The following PPARGC1A variants were observed in gnomAD, a reference collection of about 807,000 sequenced individuals.
PPARGC1A encodes the protein PPARG coactivator 1 alpha.
A neutral mutation model predicts 88.7 loss-of-function variants in PPARGC1A; 25 were observed. The ratio of observed to expected loss-of-function variants is 0.28; its 90% CI spans 0.21 to 0.39. The LOEUF (loss-of-function observed/expected upper bound fraction) is 0.39. Ranked by LOEUF, PPARGC1A falls within the 10% of genes least tolerant of loss-of-function variation. The probability of loss-of-function intolerance (pLI) is 1.00; values close to 1 mark genes in which losing one functional copy is unlikely to be tolerated. For synonymous variants in PPARGC1A, 363 were observed against 355.6 expected (o/e 1.02, Z -0.24); for missense variants, 880 against 968.7 (o/e 0.91, Z 1.22).
intron 2 of PPARGC1A, among the ~76,000 whole-genome samples, chr4:23,875,214 C>T (rs146168445): frequency 2.6e-5 from 4 of 152,220 alleles, no homozygotes; most frequent in Middle Eastern, 6.8e-3. Flanking sequence ...AATTAAGAAA[C>T]ATCAGTCCAA....
At chr4:24,242,322 G>A in the PPARGC1A span, among the ~76,000 whole-genome samples, 4 of 152,136 alleles carry the variant, frequency 2.6e-5, no homozygotes, top group African/African-American at 4.8e-5. Flanking sequence ...TCGTCCTGAC[G>A]CCCACCCCCA....
At chr4:24,005,789 A>T in the PPARGC1A span, among the ~76,000 whole-genome samples, 6 of 152,078 alleles carry the variant, frequency 3.9e-5, no homozygotes, top group Non-Finnish European at 7.4e-5. Flanking sequence ...CAAAAAAAAA[A>T]GATGGAGCAG....
At chr4:24,425,277 G>T in the PPARGC1A span, among the ~76,000 whole-genome samples, 1 of 152,138 alleles carries the variant, frequency 6.6e-6, no homozygotes, top group South Asian at 2.1e-4. Flanking sequence ...GGACCACAAG[G>T]ACACACATTA....
In PPARGC1A at chr4:23,800,480, A is replaced by G. The variant is rs1013487242; in HGVS notation, c.2293+1250T>C. Among the ~76,000 whole-genome samples, 3 of 151,856 alleles carry G rather than the reference A, an allele frequency of 2.0e-5. No homozygotes were observed. The South Asian group carries it at 6.2e-4, about 31-fold the overall frequency. On this transcript the variant is annotated intron_variant, in intron 12 of 12. Coordinates refer to ENST00000264867, the MANE Select transcript of PPARGC1A (RefSeq NM_013261.5). Reference sequence around the variant, plus strand: ...ATGACTAAATATAATGGTACTATTCACTCAGCAAAATACTGTACAACCATT... The same window carrying G: ...ATGACTAAATATAATGGTACTATTCGCTCAGCAAAATACTGTACAACCATT...
chr4:24,058,111 C>T, the PPARGC1A span, among the ~76,000 whole-genome samples: 21 of 152,164 alleles, frequency 1.4e-4, no homozygotes, highest in Non-Finnish European at 2.1e-4. Context: ...AGCATCTTCA[C>T]GTGGTACCCA....
At chr4:24,225,410 A>G in the PPARGC1A span, among the ~76,000 whole-genome samples, 2 of 152,124 alleles carry the variant, frequency 1.3e-5, no homozygotes, top group African/African-American at 4.8e-5. Flanking sequence ...TCTACTAAAA[A>G]TACAAAAAAT....
At chr4:24,322,411 C>A in the PPARGC1A span, among the ~76,000 whole-genome samples, 1 of 152,234 alleles carries the variant, frequency 6.6e-6, no homozygotes, top group Non-Finnish European at 1.5e-5. Flanking sequence ...CTTGACAACC[C>A]TGATGGTTCA....
chr4:24,420,971 A>G, the PPARGC1A span, among the ~76,000 whole-genome samples: 8 of 152,150 alleles, frequency 5.3e-5, no homozygotes, highest in African/African-American at 1.9e-4. Context: ...TGTTAAAAGC[A>G]TTCCCTCAAG....
At chr4:24,143,328 A>C in the PPARGC1A span, among the ~76,000 whole-genome samples, 1 of 152,126 alleles carries the variant, frequency 6.6e-6, no homozygotes, top group African/African-American at 2.4e-5. Context: ...GGGCAATATA[A>C]ACTTCAAGAA....
At chr4:23,832,427 T>TTTC (rs1218271400) in intron 2 of PPARGC1A, among the ~76,000 whole-genome samples, 4 of 152,076 alleles carry the variant, frequency 2.6e-5, no homozygotes, top group Admixed American at 1.3e-4. Flanking sequence ...AAAACTGCTA[T>TTTC]TTCTTTTGAC....
chr4:24,133,274 A>G, the PPARGC1A span, among the ~76,000 whole-genome samples: 104 of 152,226 alleles, frequency 6.8e-4, no homozygotes, highest in South Asian at 5.0e-3. Flanking sequence ...TAAAGTTCCA[A>G]CACCTGAGAG....
the PPARGC1A span, among the ~76,000 whole-genome samples, chr4:24,470,271 G>GACTGTAC: frequency 1.4e-5 from 1 of 71,970 alleles, no homozygotes; most frequent in Non-Finnish European, 2.9e-5. The surrounding 1 kb of genome is among the most constrained non-coding windows in gnomAD (Gnocchi z 5.8). Context: ...CTCATCGACA[G>GACTGTAC]ACACAGACAC....
At chr4:24,246,698 G>T in the PPARGC1A span, among the ~76,000 whole-genome samples, 6 of 152,192 alleles carry the variant, frequency 3.9e-5, no homozygotes, top group African/African-American at 7.2e-5. Context: ...TTTTCTGTGA[G>T]ATTGTAACAC....
chr4:24,230,847 G>A, the PPARGC1A span, among the ~76,000 whole-genome samples: 1 of 151,756 alleles, frequency 6.6e-6, no homozygotes, highest in South Asian at 2.1e-4. Context: ...AGAAAATGGC[G>A]ACTGGAAGTT....
chr4:24,114,507 T>A, the PPARGC1A span, among the ~76,000 whole-genome samples: 1 of 152,156 alleles, frequency 6.6e-6, no homozygotes, highest in African/African-American at 2.4e-5. Context: ...AAGTGAGTGG[T>A]GGCAGCTCCA....
the PPARGC1A span, among the ~76,000 whole-genome samples, chr4:24,101,601 A>G: frequency 4.6e-5 from 7 of 152,246 alleles, no homozygotes; most frequent in Non-Finnish European, 7.3e-5. Context: ...ATGTAAAATT[A>G]TAAGGTATCC....
chr4:24,325,964 A>T, the PPARGC1A span, among the ~76,000 whole-genome samples: 8 of 152,074 alleles, frequency 5.3e-5, no homozygotes, highest in African/African-American at 1.9e-4. Flanking sequence ...CAGTTCCCTT[A>T]TTAGGCCGAG....
intron 2 of PPARGC1A, among the ~76,000 whole-genome samples, chr4:23,853,798 T>C (rs1729730718): frequency 6.6e-6 from 1 of 152,186 alleles, no homozygotes; most frequent in Non-Finnish European, 1.5e-5. Flanking sequence ...CAGCATGTAG[T>C]AAAGCACAAG....
the PPARGC1A span, among the ~76,000 whole-genome samples, chr4:24,220,318 T>C: frequency 1.3e-5 from 2 of 152,198 alleles, no homozygotes; most frequent in African/African-American, 4.8e-5. Flanking sequence ...AGTTTGTAGA[T>C]TTCTCAAAGA....
Sources: gnomAD v4.1 joint callset for allele counts (sites outside exome capture counted in the v4.1 genomes callset) on GRCh38, gnomAD v4.1.1 for gene constraint, Gnocchi (gnomAD v3.1) non-coding constraint, MANE v1.5 for transcripts, NCBI Gene and HGNC (gene_info 2026-07-23, HGNC 2026-07-21) for gene names.